KCNQ5: variants seen among roughly 807,000 people sequenced by gnomAD.
The protein encoded by KCNQ5 is potassium voltage-gated channel subfamily Q member 5.
Under a neutral mutation model 98.2 loss-of-function variants are expected in KCNQ5, and 30 were observed. The observed-to-expected ratio is 0.31, with a 90% CI of 0.23 to 0.41. KCNQ5 has a LOEUF of 0.41. KCNQ5 is among the 10% of genes least tolerant of loss of function. KCNQ5 has a pLI of 1.00. For missense variants in KCNQ5, 835 were observed against 1,182.5 expected (o/e 0.71, Z 4.31); for synonymous variants, 458 against 449.4 (o/e 1.02, Z -0.24).
At chr6:72,865,530 T>G (rs751782170) in intron 1 of KCNQ5, among the ~76,000 whole-genome samples, 3 of 152,212 alleles carry the variant, frequency 2.0e-5, no homozygotes, top group Non-Finnish European at 4.4e-5. Flanking sequence ...TTTGACAGGC[T>G]AATCCCTAGG....
At chr6:73,176,309 A>C (rs1582490629) in intron 11 of KCNQ5, among the ~76,000 whole-genome samples, 2 of 151,238 alleles carry the variant, frequency 1.3e-5, no homozygotes, top group African/African-American at 4.9e-5. Context: ...AGTGTGTAGC[A>C]CCTCCCTCCC....
intron 10 of KCNQ5, chr6:73,157,826 C>T: frequency 1.3e-6 from 1 of 779,634 alleles, no homozygotes; most frequent in Non-Finnish European, 2.4e-6. Context: ...TTGGTGTTGG[C>T]TTTGGCAAAC....
At chr6:72,771,684 G>GTA (rs1216040025) in intron 1 of KCNQ5, among the ~76,000 whole-genome samples, 1 of 150,540 alleles carries the variant, frequency 6.6e-6, no homozygotes, top group Admixed American at 6.6e-5. Context: ...GTGTGTGTGT[G>GTA]TATAACATCA....
intron 2 of KCNQ5, among the ~76,000 whole-genome samples, chr6:73,017,917 A>G (rs1348806502): frequency 1.3e-5 from 2 of 152,136 alleles, no homozygotes. Context: ...GGTAGAAAGT[A>G]AAAGAGGACC....
chr6:72,941,380 C>T (rs1254431552), intron 1 of KCNQ5, among the ~76,000 whole-genome samples: 4 of 97,070 alleles, frequency 4.1e-5, no homozygotes, highest in Admixed American at 4.0e-4. Context: ...TTCTTTCCTC[C>T]TTCCTTCCTT....
chr6:72,940,600 G>C (rs1469123914), intron 1 of KCNQ5, among the ~76,000 whole-genome samples: 1 of 152,192 alleles, frequency 6.6e-6, no homozygotes, highest in Non-Finnish European at 1.5e-5. Flanking sequence ...TGGCTTTAAT[G>C]TGTATGTCCT....
intron 11 of KCNQ5, among the ~76,000 whole-genome samples, chr6:73,186,431 T>G (rs1401301889): frequency 6.6e-6 from 1 of 152,224 alleles, no homozygotes; most frequent in African/African-American, 2.4e-5. Flanking sequence ...TAAGATTTTT[T>G]TTAGCATCAG....
intron 11 of KCNQ5, among the ~76,000 whole-genome samples, chr6:73,183,955 T>A (rs1292903645): frequency 6.6e-6 from 1 of 152,136 alleles, no homozygotes; most frequent in Non-Finnish European, 1.5e-5. Flanking sequence ...AAAACTGAGG[T>A]TGTATTCTTT....
chr6:72,852,184 A>G (rs1777290378), intron 1 of KCNQ5, among the ~76,000 whole-genome samples: 1 of 152,170 alleles, frequency 6.6e-6, no homozygotes, highest in Non-Finnish European at 1.5e-5. Flanking sequence ...ATATTTATAT[A>G]AACATGAATG....
At chr6:72,655,960 C>T (rs1766171748) in intron 1 of KCNQ5, among the ~76,000 whole-genome samples, 1 of 152,114 alleles carries the variant, frequency 6.6e-6, no homozygotes, top group African/African-American at 2.4e-5. Context: ...TTCCAAGATG[C>T]AGATATTCAG....
intron 1 of KCNQ5, among the ~76,000 whole-genome samples, chr6:72,792,169 CATAAT>C (rs1214159004): frequency 2.6e-5 from 4 of 152,172 alleles, no homozygotes; most frequent in Non-Finnish European, 5.9e-5. Context: ...GTCATTGTCT[CATAAT>C]ATATTCCAAA....
chr6:73,157,429 G>A, intron 10 of KCNQ5: 3 of 645,334 alleles, frequency 4.6e-6, no homozygotes, highest in South Asian at 3.4e-5. Context: ...CAGGCCGCCC[G>A]GGGGCGGGGG....
At position 72,984,501 on chromosome 6, in the gene KCNQ5, G is replaced by A. The variant is rs188443596; in HGVS notation, c.399-19407G>A. Reference sequence around the variant, plus strand: ...TAGCAGTGAGCAAGGCTCCATAGGCGTGAGACCCATCGAGCCAGACATGGG... The same window carrying A: ...TAGCAGTGAGCAAGGCTCCATAGGCATGAGACCCATCGAGCCAGACATGGG... On this transcript the variant is annotated intron_variant, in intron 1 of 13. Transcript: ENST00000370398. 5.3e-4 allele frequency among the ~76,000 whole-genome samples: 80 copies of A among 152,306 alleles called. 1 individual carries two copies. The highest frequency in any genetic ancestry group is 1.9e-3 in the South Asian group (9 of 4,826).
intron 1 of KCNQ5, among the ~76,000 whole-genome samples, chr6:72,717,252 G>T (rs1194702788): frequency 1.3e-5 from 2 of 152,144 alleles, no homozygotes; most frequent in Admixed American, 1.3e-4. Context: ...GAATGGTTGA[G>T]CCAATCAACA....
At chr6:72,653,355 A>T (rs1765973622) in intron 1 of KCNQ5, among the ~76,000 whole-genome samples, 1 of 151,990 alleles carries the variant, frequency 6.6e-6, no homozygotes, top group South Asian at 2.1e-4. Flanking sequence ...GTGTCTGCTT[A>T]TGTAATTTTA....
intron 1 of KCNQ5, among the ~76,000 whole-genome samples, chr6:72,919,185 T>C (rs939864346): frequency 3.3e-5 from 5 of 152,182 alleles, no homozygotes; most frequent in Admixed American, 6.5e-5. Context: ...TGTTTGCCTC[T>C]GGTCCAGTCA....
Position 73,193,464 on chromosome 6 carries a change from AAAAATAAAATAAAAT to A in KCNQ5, c.1836+805_1836+819del, listed in dbSNP as rs397976608. On this transcript the variant is annotated intron_variant, in intron 13 of 13. Coordinates refer to ENST00000370398, the MANE Select transcript of KCNQ5 (RefSeq NM_019842.4). ...AACATGGTGAAACCCTGTCTCTACT[AAAAATAAAATAAAAT>A]AAAATAAAATAAAATAAAATAAAAT... is the stretch of plus-strand genomic sequence containing the variant. Among the ~76,000 whole-genome samples, 31 of 126,696 alleles carry A rather than the reference AAAAATAAAATAAAAT, an allele frequency of 2.4e-4. 1 individual carries two copies. The highest frequency in any genetic ancestry group is 3.0e-4 in the African/African-American group (10 of 33,058). 83.1% of individuals were successfully genotyped at this position (126,696 alleles called of 152,430 possible).
intron 9 of KCNQ5, chr6:73,125,596 A>G (rs1582404636): frequency 4.2e-6 from 1 of 235,454 alleles, no homozygotes; most frequent in East Asian, 1.4e-4. Context: ...TAATTATATT[A>G]ATAATAATAT....
chr6:72,864,461 T>C (rs991265059), intron 1 of KCNQ5, among the ~76,000 whole-genome samples: 5 of 152,212 alleles, frequency 3.3e-5, no homozygotes, highest in African/African-American at 9.6e-5. Context: ...GGTCAGTACA[T>C]GGCCTTAGTT....
Sources: gnomAD v4.1 joint callset for allele counts (sites outside exome capture counted in the v4.1 genomes callset) on GRCh38, gnomAD v4.1.1 for gene constraint, MANE v1.5 for transcripts, NCBI Gene and HGNC (gene_info 2026-07-23, HGNC 2026-07-21) for gene names.